The following CACNB2 variants were observed in gnomAD, a reference collection of about 807,000 sequenced individuals.
The protein encoded by CACNB2 is calcium voltage-gated channel auxiliary subunit beta 2, also known as voltage-dependent L-type calcium channel subunit beta-2.
CACNB2 carries 42 observed loss-of-function variants against 73.3 expected under a neutral mutation model. The observed-to-expected ratio is 0.57, with a 90% CI of 0.45 to 0.74. The LOEUF (loss-of-function observed/expected upper bound fraction) is 0.74. CACNB2 is among the 30% of genes least tolerant of loss of function. The pLI, the probability that CACNB2 is intolerant of heterozygous loss-of-function variation, is 0.00. For missense variants in CACNB2, 940 were observed against 853.0 expected (o/e 1.10, Z -1.27); for synonymous variants, 348 against 310.3 (o/e 1.12, Z -1.28).
intron 2 of CACNB2, among the ~76,000 whole-genome samples, chr10:18,381,461 C>A (rs561299732): frequency 1.3e-5 from 2 of 151,634 alleles, no homozygotes; most frequent in African/African-American, 2.4e-5. Context: ...GAGGCTGAGG[C>A]GGGTGGATCC....
intron 3 of CACNB2, among the ~76,000 whole-genome samples, chr10:18,467,239 C>G (rs1034708782): frequency 3.3e-5 from 5 of 152,146 alleles, no homozygotes; most frequent in Non-Finnish European, 7.3e-5. Context: ...TAAAGTAATT[C>G]AATTGAAATA....
intron 2 of CACNB2, among the ~76,000 whole-genome samples, chr10:18,243,017 AAAC>A (rs1743911060): frequency 6.6e-6 from 1 of 151,298 alleles, no homozygotes; most frequent in Non-Finnish European, 1.5e-5. Context: ...CAAAAAAAAA[AAAC>A]AAAAAAAAGA....
chr10:18,142,101 T>C (rs2030475958), intron 1 of CACNB2, among the ~76,000 whole-genome samples: 1 of 152,168 alleles, frequency 6.6e-6, no homozygotes, highest in Non-Finnish European at 1.5e-5. Context: ...GGAACATGAG[T>C]GCTCTAGATA....
At chr10:18,141,248 C>T in intron 1 of CACNB2, 1 of 1,414,604 alleles carries the variant, frequency 7.1e-7, no homozygotes, top group South Asian at 1.2e-5. Flanking sequence ...GGGCCCGCTT[C>T]CCGCAGCGCT....
intron 2 of CACNB2, among the ~76,000 whole-genome samples, chr10:18,191,314 G>A (rs2034382815): frequency 6.6e-6 from 1 of 152,230 alleles, no homozygotes; most frequent in Admixed American, 6.5e-5. Context: ...CAGAGCTGGG[G>A]AAGGAACTAG....
chr10:18,453,919 G>A (rs1402175280), intron 3 of CACNB2, among the ~76,000 whole-genome samples: 2 of 152,212 alleles, frequency 1.3e-5, no homozygotes, highest in African/African-American at 2.4e-5. Flanking sequence ...ACAGGTGTGA[G>A]CCACCATGAC....
chr10:18,280,081 A>G (rs1396175360), intron 2 of CACNB2, among the ~76,000 whole-genome samples: 3 of 152,200 alleles, frequency 2.0e-5, no homozygotes, highest in African/African-American at 4.8e-5. Flanking sequence ...TCTGTCTCAA[A>G]TAAGTAAATA....
At chr10:18,349,267 G>A (rs2041605088) in intron 2 of CACNB2, among the ~76,000 whole-genome samples, 1 of 152,212 alleles carries the variant, frequency 6.6e-6, no homozygotes, top group African/African-American at 2.4e-5. Context: ...ATGTGATGCT[G>A]TGGCTGGAAC....
chr10:18,260,748 G>T (rs1349701020), intron 2 of CACNB2: 94 of 999,146 alleles, frequency 9.4e-5, no homozygotes, highest in Non-Finnish European at 1.1e-4. Flanking sequence ...AATCATAGGC[G>T]AGCAGCCGCG....
chr10:18,514,915 C>A, intron 7 of CACNB2: 1 of 1,072,102 alleles, frequency 9.3e-7, no homozygotes, highest in Non-Finnish European at 1.4e-6. Flanking sequence ...AGATACATAG[C>A]TTGTACTAAA....
chr10:18,436,227 G>C (rs919163443), intron 3 of CACNB2, among the ~76,000 whole-genome samples: 1 of 152,144 alleles, frequency 6.6e-6, no homozygotes, highest in African/African-American at 2.4e-5. Flanking sequence ...GCCAGTAAGA[G>C]TTTTTCCCCT....
intron 2 of CACNB2, among the ~76,000 whole-genome samples, chr10:18,335,048 C>A (rs2040947077): frequency 6.6e-6 from 1 of 151,646 alleles, no homozygotes; most frequent in African/African-American, 2.4e-5. Flanking sequence ...ATATTTATCC[C>A]ATAATATGAC....
intron 2 of CACNB2, among the ~76,000 whole-genome samples, chr10:18,180,098 A>G (rs2033797940): frequency 6.6e-6 from 1 of 152,178 alleles, no homozygotes; most frequent in Non-Finnish European, 1.5e-5. Flanking sequence ...GTATTTATGC[A>G]AGGGAGAACT....
At chr10:18,190,269 GT>G (rs2034337125) in intron 2 of CACNB2, among the ~76,000 whole-genome samples, 1 of 152,056 alleles carries the variant, frequency 6.6e-6, no homozygotes, top group Non-Finnish European at 1.5e-5. Flanking sequence ...AATAACGTAG[GT>G]TTTCTCAGAT....
intron 10 of CACNB2, chr10:18,531,807 T>G (rs1307891166): frequency 6.6e-6 from 1 of 151,230 alleles, no homozygotes; most frequent in South Asian, 2.1e-4. Context: ...ATTGTTCCTG[T>G]TGTTGTTTAT....
chr10:18,286,614 G>T (rs1588943960), intron 2 of CACNB2, among the ~76,000 whole-genome samples: 1 of 143,228 alleles, frequency 7.0e-6, no homozygotes, highest in East Asian at 2.2e-4. Context: ...CAATCTTAAT[G>T]TTTTTATGCA....
At chr10:18,162,940 C>T (rs1286758991) in intron 2 of CACNB2, among the ~76,000 whole-genome samples, 2 of 152,038 alleles carry the variant, frequency 1.3e-5, no homozygotes, top group Non-Finnish European at 2.9e-5. Context: ...CCGGTAGGCT[C>T]AGATTCTGGG....
At chr10:18,512,742 T>TG (rs1417422138) in intron 6 of CACNB2, among the ~76,000 whole-genome samples, 2 of 152,208 alleles carry the variant, frequency 1.3e-5, no homozygotes, top group East Asian at 3.8e-4. Context: ...GGCAAACTCT[T>TG]GAAAAGCACT....
intron 2 of CACNB2, among the ~76,000 whole-genome samples, chr10:18,266,754 GTGGTGC>G (rs2037821805): frequency 6.6e-6 from 1 of 152,134 alleles, no homozygotes; most frequent in Non-Finnish European, 1.5e-5. Context: ...GCCGTGCGTG[GTGGTGC>G]ATGCCTGTAA....
Sources: allele counts gnomAD v4.1 joint callset (sites outside exome capture counted in the v4.1 genomes callset), GRCh38; gene constraint gnomAD v4.1.1; transcripts MANE v1.5; gene names NCBI Gene and HGNC (gene_info 2026-07-23, HGNC 2026-07-21).